Variants in PHKA1 observed in about 807,000 individuals in gnomAD.
The protein encoded by PHKA1 is phosphorylase b kinase regulatory subunit alpha, skeletal muscle isoform.
A neutral mutation model predicts 110.2 loss-of-function variants in PHKA1; 60 were observed. The ratio of observed to expected loss-of-function variants is 0.54; its 90% confidence interval spans 0.44 to 0.68. The LOEUF (loss-of-function observed/expected upper bound fraction) is 0.68. Ranked by LOEUF, PHKA1 falls within the 30% of genes least tolerant of loss-of-function variation. PHKA1 has a pLI of 0.00. For missense variants in PHKA1, 801 were observed against 942.5 expected, an observed-to-expected ratio of 0.85 and a Z score of 1.97; for synonymous variants, 316 against 333.6, an observed-to-expected ratio of 0.95 and a Z score of 0.58.
chrX:72,635,146 AG>A lies in PHKA1; in HGVS notation c.1714+8del. ...AATACATTCGTTCCTTGCCTCATGC[AG>A]CCCTTACCAAGCATGCTGTGTGAGA... On this transcript the variant is annotated splice_region_variant and intron_variant, in intron 16 of 31. Coordinates refer to ENST00000373542, the MANE Select transcript of PHKA1 (RefSeq NM_002637.4). The A allele has an allele frequency of 8.3e-7, 1 of 1,211,529 alleles. No homozygotes were observed. Among genetic ancestry groups the A allele is most frequent in the Non-Finnish European group, 1.1e-6 (1 of 895,285 alleles).
At chrX:72,642,439 A>G (rs2053308328) in intron 14 of PHKA1, among the ~76,000 whole-genome samples, 1 of 111,997 alleles carries the variant, frequency 8.9e-6, no homozygotes, top group Non-Finnish European at 1.9e-5. Context: ...GACTTCTAAG[A>G]GTTACAAAGA....
intron 5 of PHKA1, among the ~76,000 whole-genome samples, chrX:72,684,037 A>C (rs1006730822): frequency 1.8e-5 from 2 of 112,468 alleles, no homozygotes; most frequent in East Asian, 2.8e-4. Context: ...ATTATGATTT[A>C]ACAGAAACCT....
intron 29 of PHKA1, among the ~76,000 whole-genome samples, chrX:72,588,867 G>A (rs1292614947): frequency 9.0e-6 from 1 of 111,402 alleles, no homozygotes; most frequent in Non-Finnish European, 1.9e-5. Context: ...ACCCTCTCAA[G>A]ACTAAACCAG....
intron 5 of PHKA1, among the ~76,000 whole-genome samples, chrX:72,680,485 C>T (rs1603269784): frequency 8.9e-6 from 1 of 112,912 alleles, no homozygotes; most frequent in Middle Eastern, 4.6e-3. Context: ...AATTCTAAAC[C>T]TAGTGAAAAT....
intron 17 of PHKA1, among the ~76,000 whole-genome samples, chrX:72,623,527 T>C (rs1715300729): frequency 9.0e-6 from 1 of 111,475 alleles, no homozygotes; most frequent in African/African-American, 3.3e-5. Context: ...AGTTTTGCTC[T>C]CTTCTACTGC....
chrX:72,611,022 T>C lies in PHKA1; in HGVS notation c.2526+6A>G, dbSNP rs1556259520. ...GATTTGGTATAAATTCAAGAATTTATAGTACCTCATCAAGTGCTTCCACTT... is the reference window on the plus strand; with the variant it reads ...GATTTGGTATAAATTCAAGAATTTACAGTACCTCATCAAGTGCTTCCACTT... On this transcript the variant is annotated splice_donor_region_variant and intron_variant, in intron 22 of 31. Coordinates refer to ENST00000373542, the MANE Select transcript of PHKA1 (RefSeq NM_002637.4). The C allele has an allele frequency of 2.5e-6, 3 of 1,189,586 alleles. No individual in the cohort carries two copies. The highest frequency in any genetic ancestry group is 2.3e-4 in the Middle Eastern group (1 of 4,286).
chrX:72,693,174 C>T (rs1036611724), intron 4 of PHKA1, among the ~76,000 whole-genome samples: 1 of 111,477 alleles, frequency 9.0e-6, no homozygotes, highest in African/African-American at 3.3e-5. Context: ...ATAGAACATA[C>T]TTTGTGTGAT....
intron 13 of PHKA1, among the ~76,000 whole-genome samples, chrX:72,646,649 G>C (rs1024189526): frequency 1.7e-4 from 19 of 111,756 alleles, no homozygotes; most frequent in African/African-American, 5.2e-4. Context: ...AAAAAATGAA[G>C]CTGGAGATGG....
chrX:72,624,742 G>C (rs2053030843), intron 17 of PHKA1, among the ~76,000 whole-genome samples: 1 of 111,250 alleles, frequency 9.0e-6, no homozygotes, highest in African/African-American at 3.3e-5. Context: ...TTGAAGGGGT[G>C]CTCTCCATCT....
rs1263635193 is a variant in PHKA1, at chrX:72,644,443, T to C, written c.1378A>G (p.Ile460Val). The C allele has an allele frequency of 1.7e-6, 2 of 1,208,360 alleles. No individual in the cohort carries two copies. The highest frequency in any genetic ancestry group is 2.2e-6 in the Non-Finnish European group (2 of 892,786). The change falls in exon 14 of 32, where the codon ATT becomes GTT. Residue 460 changes from isoleucine to valine, a missense_variant. Ile to Val is a conservative substitution (Grantham distance 29). This residue lies in a region of PHKA1 where 299 missense variants were observed against 423.3 expected (regional missense o/e 0.71). Coordinates refer to ENST00000373542, the MANE Select transcript of PHKA1 (RefSeq NM_002637.4). The part of the protein sequence containing the change: ...EIKTILKDKG[I>V]YVETIAEVYP... ...ACCTCAGCAATGGTCTCCACGTAAA[T>C]TCCCTTGTCCTTCAAAATGGTCTTG...
Position 72,713,816 on chromosome X carries a change from A to G in PHKA1, c.65T>C (p.Ile22Thr), listed in dbSNP as rs1556335892. ...DGYARLVQQT[I>T]LCHQNPVTGL... ...CCCTGCAGTTACCTGATGGCACAGGATGGTCTGTTGCACCAGTCGAGCGTA... is the reference window on the plus strand; with the variant it reads ...CCCTGCAGTTACCTGATGGCACAGGGTGGTCTGTTGCACCAGTCGAGCGTA... Residue 22 changes from isoleucine to threonine, a missense_variant, in exon 1 of 32, where the codon ATC becomes ACC. Ile to Thr is a moderately conservative substitution (Grantham distance 89, BLOSUM62 -1). Transcript: ENST00000373542. 8.3e-7 allele frequency: 1 copy of G among 1,205,108 alleles called. No individual in the cohort carries two copies. The highest frequency in any genetic ancestry group is 2.2e-5 in the Admixed American group (1 of 46,089).
intron 22 of PHKA1, among the ~76,000 whole-genome samples, chrX:72,610,434 A>T (rs1556258600): frequency 9.0e-6 from 1 of 111,702 alleles, no homozygotes; most frequent in Non-Finnish European, 1.9e-5. Flanking sequence ...CATTCATGTT[A>T]CTGTAAATGA....
In PHKA1 at chrX:72,605,334, G is replaced by C. The variant is rs1329229366; in HGVS notation, c.2752C>G (p.Leu918Val). The C allele has an allele frequency of 8.3e-7, 1 of 1,203,994 alleles. No homozygotes were observed. The highest frequency in any genetic ancestry group is 1.8e-5 in the African/African-American group (1 of 57,107). ...ACTTGTATGATCAGACCAATTCGAAGTCGAAACATTTCAGCAAAGAGGCCA... is the reference window on the plus strand; with the variant it reads ...ACTTGTATGATCAGACCAATTCGAACTCGAAACATTTCAGCAAAGAGGCCA... ...QPGLFAEMFR[L>V]RIGLIIQVMA... Residue 918 changes from leucine to valine, a missense_variant, in exon 25 of 32, where the codon CTT (leucine) becomes GTT (valine). Leu to Val is a conservative substitution (Grantham distance 32). Coordinates refer to ENST00000373542, the MANE Select transcript of PHKA1 (RefSeq NM_002637.4).
intron 29 of PHKA1, among the ~76,000 whole-genome samples, chrX:72,589,143 A>C (rs1556220346): frequency 8.9e-6 from 1 of 111,989 alleles, no homozygotes; most frequent in Non-Finnish European, 1.9e-5. Flanking sequence ...ATGTTAGACC[A>C]ATATCCCTGA....
chrX:72,662,179 G>A (rs1326645229), intron 8 of PHKA1, among the ~76,000 whole-genome samples: 1 of 112,251 alleles, frequency 8.9e-6, no homozygotes, highest in African/African-American at 3.2e-5. Context: ...TTACTCCAGA[G>A]TACAAGTACA....
At chrX:72,685,850 G>T (rs1337171272) in intron 4 of PHKA1, among the ~76,000 whole-genome samples, 1 of 111,755 alleles carries the variant, frequency 8.9e-6, no homozygotes, top group South Asian at 3.7e-4. Flanking sequence ...TTACTTGGTG[G>T]AGGCTATTCT....
chrX:72,677,433 A>G (rs1347199167), intron 5 of PHKA1, among the ~76,000 whole-genome samples: 1 of 111,650 alleles, frequency 9.0e-6, no homozygotes, highest in Non-Finnish European at 1.9e-5. Context: ...TCTCTCAAAC[A>G]TTAACCCACT....
chrX:72,676,142 C>T lies in PHKA1; in HGVS notation c.546G>A (p.Gly182=). ...IEAAYKTADF[G]IWERGDKTNQ... ...TGGTCTTGTCTCCACGTTCCCATAT[C>T]CCGAAGTCCTGGCATAAAATAACCA... Residue 182 remains glycine, a synonymous_variant, in exon 6 of 32, where the codon GGG becomes GGA. Transcript: ENST00000373542. 1 of 1,204,281 alleles carries T rather than the reference C, an allele frequency of 8.3e-7. No homozygotes were observed. Among genetic ancestry groups the T allele is most frequent in the South Asian group, 1.8e-5 (1 of 56,640 alleles).
chrX:72,667,772 TTA>T (rs1405374310), intron 6 of PHKA1, among the ~76,000 whole-genome samples: 2 of 111,528 alleles, frequency 1.8e-5, no homozygotes, highest in Non-Finnish European at 3.8e-5. Flanking sequence ...AAATGAGATA[TTA>T]TGTTTTTTAA....
Sources: allele counts gnomAD v4.1 joint callset (sites outside exome capture counted in the v4.1 genomes callset), GRCh38; gene constraint gnomAD v4.1.1; regional missense constraint gnomAD v4.1.1; transcripts MANE v1.5; gene names NCBI Gene and HGNC (gene_info 2026-07-23, HGNC 2026-07-21).